Variants in HOMER1 observed in about 807,000 individuals in gnomAD.
The protein encoded by HOMER1 is homer scaffold protein 1.
HOMER1 carries 3 observed loss-of-function variants against 48.9 expected under a neutral mutation model. The observed-to-expected ratio is 0.06, with a 90% CI of 0.03 to 0.16. HOMER1 has a LOEUF of 0.16. HOMER1 is among the 10% of genes least tolerant of loss of function. The pLI is 1.00. For synonymous variants in HOMER1, 134 were observed against 146.4 expected, an observed-to-expected ratio of 0.92 and a Z score of 0.61; for missense variants, 247 against 411.4, an observed-to-expected ratio of 0.60 and a Z score of 3.46.
At chr5:79,402,770 A>G (rs1749565121) in intron 5 of HOMER1, among the ~76,000 whole-genome samples, 1 of 152,196 alleles carries the variant, frequency 6.6e-6, no homozygotes, top group African/African-American at 2.4e-5. Flanking sequence ...CCTTAATGAA[A>G]ACATATGAGG....
intron 1 of HOMER1, among the ~76,000 whole-genome samples, chr5:79,463,550 G>A (rs1010080889): frequency 7.2e-5 from 11 of 152,116 alleles, no homozygotes; most frequent in South Asian, 2.1e-4. Context: ...ATGATAATAC[G>A]TTTGCTAATT....
At chr5:79,510,766 G>A in intron 1 of HOMER1, 1 of 759,916 alleles carries the variant, frequency 1.3e-6, no homozygotes, top group South Asian at 1.4e-5. Flanking sequence ...TGCCCGCATT[G>A]CCAAGGGGCT....
chr5:79,506,027 G>A (rs1752755500), intron 1 of HOMER1, among the ~76,000 whole-genome samples: 1 of 152,040 alleles, frequency 6.6e-6, no homozygotes, highest in African/African-American at 2.4e-5. Context: ...TCTATTATCT[G>A]AAATGTTTAG....
intron 5 of HOMER1, among the ~76,000 whole-genome samples, chr5:79,426,810 T>C (rs770882796): frequency 6.6e-6 from 1 of 152,158 alleles, no homozygotes; most frequent in Non-Finnish European, 1.5e-5. Context: ...GGAATGTTCC[T>C]AGCACAAAGA....
chr5:79,413,877 T>C (rs72766731), intron 5 of HOMER1, among the ~76,000 whole-genome samples: 3,436 of 152,230 alleles, frequency 0.023, 53 homozygotes, highest in Middle Eastern at 0.034. Context: ...CAGAGTAATC[T>C]TGCATTATTT....
At chr5:79,502,377 CA>C (rs1330000154) in intron 1 of HOMER1, among the ~76,000 whole-genome samples, 1 of 151,940 alleles carries the variant, frequency 6.6e-6, no homozygotes, top group African/African-American at 2.4e-5. Flanking sequence ...TCTTAAAACC[CA>C]AGAGAAGTTC....
intron 2 of HOMER1, among the ~76,000 whole-genome samples, chr5:79,454,580 T>G (rs1249621446): frequency 6.6e-6 from 1 of 152,192 alleles, no homozygotes; most frequent in Non-Finnish European, 1.5e-5. Context: ...GAACTATTTC[T>G]ATTTCTCAAG....
intron 1 of HOMER1, among the ~76,000 whole-genome samples, chr5:79,481,271 C>T (rs1033661523): frequency 6.6e-6 from 1 of 152,146 alleles, no homozygotes; most frequent in Non-Finnish European, 1.5e-5. Flanking sequence ...TTATGGAGTA[C>T]CAGATCTATC....
At chr5:79,474,206 A>ATTTTTTTTTT (rs1009644672) in intron 1 of HOMER1, among the ~76,000 whole-genome samples, 2 of 98,724 alleles carry the variant, frequency 2.0e-5, no homozygotes, top group Admixed American at 1.2e-4. Context: ...CCCAACCAAA[A>ATTTTTTTTTT]TTTTTTTTTT....
chr5:79,408,832 C>T (rs1749737975), intron 5 of HOMER1, among the ~76,000 whole-genome samples: 1 of 151,986 alleles, frequency 6.6e-6, no homozygotes, highest in Non-Finnish European at 1.5e-5. Context: ...GCCTTAATCC[C>T]AGCACTTTGG....
At chr5:79,445,967 C>T (rs1415079714) in intron 4 of HOMER1, among the ~76,000 whole-genome samples, 1 of 152,122 alleles carries the variant, frequency 6.6e-6, no homozygotes, top group Non-Finnish European at 1.5e-5. Context: ...ATTGTTTGTG[C>T]GTGTGTGCAC....
chr5:79,434,767 G>T (rs1353790278), intron 5 of HOMER1, among the ~76,000 whole-genome samples: 1 of 151,014 alleles, frequency 6.6e-6, no homozygotes, highest in East Asian at 2.0e-4. Flanking sequence ...CAGTACTATA[G>T]CACTTGACTA....
chr5:79,440,147 C>G (rs1470550249), intron 4 of HOMER1, among the ~76,000 whole-genome samples: 1 of 151,956 alleles, frequency 6.6e-6, no homozygotes, highest in Non-Finnish European at 1.5e-5. Context: ...AAAAAAAATA[C>G]AAGATTTCCT....
chr5:79,446,028 T>C (rs941798461), intron 4 of HOMER1, among the ~76,000 whole-genome samples: 1 of 152,238 alleles, frequency 6.6e-6, no homozygotes, highest in African/African-American at 2.4e-5. Context: ...CTGACATCTT[T>C]TAAAAAAATT....
intron 5 of HOMER1, among the ~76,000 whole-genome samples, chr5:79,428,187 A>G (rs952280332): frequency 1.3e-5 from 2 of 152,194 alleles, no homozygotes; most frequent in Non-Finnish European, 2.9e-5. Flanking sequence ...ATAAATTCCT[A>G]AAGCCATCAA....
chr5:79,402,629 T>C (rs1386698712), intron 5 of HOMER1, among the ~76,000 whole-genome samples: 3 of 152,218 alleles, frequency 2.0e-5, no homozygotes, highest in Non-Finnish European at 4.4e-5. Context: ...ACAGATACAG[T>C]TATCTACAGA....
rs1753028595 is a variant in HOMER1 at position 79,514,075 on chromosome 5, G to GA, written c.-1302dup. ...CTCCGCCGGCCGGCCGGCTGGCAGA[G>GA]AAGAGGGTGCTGCTTTCCCGGTCAG... is the stretch of plus-strand genomic sequence containing the variant. On this transcript the variant is annotated 5_prime_UTR_variant, in exon 1 of 9. Coordinates refer to ENST00000334082, the MANE Select transcript of HOMER1 (RefSeq NM_004272.5). 1 of 152,248 alleles carries GA rather than the reference G, an allele frequency of 6.6e-6. No homozygotes were observed. The highest frequency in any genetic ancestry group is 2.0e-4 in the South Asian group (1 of 4,882). 9.4% of individuals were successfully genotyped at this position (152,248 alleles called of 1,614,324 possible). A position where few individuals can be genotyped will look rare whatever the true frequency, so the allele number is the denominator to read the frequency against.
At chr5:79,383,794 T>G (rs1320736832) in intron 8 of HOMER1, among the ~76,000 whole-genome samples, 2 of 152,004 alleles carry the variant, frequency 1.3e-5, no homozygotes, top group African/African-American at 2.4e-5. Flanking sequence ...AAAATCGAAA[T>G]CGTATTAATT....
intron 1 of HOMER1, among the ~76,000 whole-genome samples, chr5:79,481,937 G>C (rs760982326): frequency 6.6e-6 from 1 of 152,168 alleles, no homozygotes; most frequent in Non-Finnish European, 1.5e-5. Flanking sequence ...AAGAATATAA[G>C]TCTGGGCACG....
Sources: allele counts gnomAD v4.1 joint callset (sites outside exome capture counted in the v4.1 genomes callset), GRCh38; gene constraint gnomAD v4.1.1; transcripts MANE v1.5; gene names NCBI Gene and HGNC (gene_info 2026-07-23, HGNC 2026-07-21).